DMC1: variants seen among roughly 807,000 people sequenced by gnomAD.
The protein encoded by DMC1 is meiotic recombination protein DMC1 homolog.
Under a neutral mutation model 50.1 loss-of-function variants are expected in DMC1, and 27 were observed. The ratio of observed to expected loss-of-function variants is 0.54; its 90% CI spans 0.40 to 0.74. The LOEUF is 0.74. DMC1 is among the 30% of genes least tolerant of loss of function. DMC1 has a pLI of 0.00. For synonymous variants in DMC1, 148 were observed against 136.1 expected, an observed-to-expected ratio of 1.09 and a Z score of -0.61; for missense variants, 295 against 420.2, an observed-to-expected ratio of 0.70 and a Z score of 2.60.
Position 38,555,420 on chromosome 22 carries a change from A to G in DMC1, c.327-11T>C. On this transcript the variant is annotated splice_polypyrimidine_tract_variant and intron_variant, in intron 5 of 13. Transcript: ENST00000216024. The stretch of plus-strand genomic sequence containing the variant: ...CCTCCTAGTAACTTACTGGAAATAG[A>G]AAGAAAGCATTAGTAACAGGAATAG... 6.4e-7 allele frequency: 1 copy of G among 1,571,570 alleles called. No homozygotes were observed. The highest frequency in any genetic ancestry group is 2.2e-5 in the East Asian group (1 of 44,456).
At chr22:38,539,721 C>T (rs996613303) in intron 8 of DMC1, among the ~76,000 whole-genome samples, 4 of 152,052 alleles carry the variant, frequency 2.6e-5, no homozygotes, top group Non-Finnish European at 5.9e-5. Flanking sequence ...CATTTTACAA[C>T]GTAAGACACT....
intron 13 of DMC1, 63 bp from the exon 14 acceptor site, chr22:38,520,152 T>C: frequency 7.4e-7 from 1 of 1,349,918 alleles, no homozygotes. Flanking sequence ...ACTATATTCA[T>C]GTCACAGGCA....
chr22:38,563,711 T>A (rs1304810302), intron 4 of DMC1, among the ~76,000 whole-genome samples: 1 of 151,648 alleles, frequency 6.6e-6, no homozygotes, highest in Non-Finnish European at 1.5e-5. Flanking sequence ...AATTTTTTTT[T>A]TTTTTTGAGA....
chr22:38,537,638 C>T lies in DMC1; in HGVS notation c.790G>A (p.Val264Ile), dbSNP rs1177670878. The change falls in exon 12 of 14, where the codon GTT becomes ATT. Residue 264 changes from valine (V) to isoleucine (I), a missense_variant. By Grantham distance (29) the Val-to-Ile change is conservative (BLOSUM62 3). Transcript: ENST00000216024. Reference sequence around the variant, plus strand: ...GCAGTCATTTGATTGGTCACAAAAACAGCCACGTTATATTCTGCATCAAGA... The same window carrying T: ...GCAGTCATTTGATTGGTCACAAAAATAGCCACGTTATATTCTGCATCAAGA... ...QKISEEYNVA[V>I]FVTNQMTADP... 1.2e-6 allele frequency: 2 copies of T among 1,613,872 alleles called. No homozygotes were observed. The highest frequency in any genetic ancestry group is 1.3e-5 in the African/African-American group (1 of 75,000).
chr22:38,537,116 T>A (rs1217510265), intron 12 of DMC1, among the ~76,000 whole-genome samples: 1 of 152,202 alleles, frequency 6.6e-6, no homozygotes, highest in African/African-American at 2.4e-5. Context: ...CCTCCCAAAG[T>A]GTTGGGATTA....
chr22:38,534,937 T>C (rs1229749964), intron 12 of DMC1, among the ~76,000 whole-genome samples: 11 of 137,496 alleles, frequency 8.0e-5, no homozygotes, highest in South Asian at 2.4e-4. Context: ...ACCCAGGAGG[T>C]GGAGGTTGCA....
intron 8 of DMC1, among the ~76,000 whole-genome samples, chr22:38,541,711 C>T (rs1020687460): frequency 6.6e-6 from 1 of 152,138 alleles, no homozygotes; most frequent in Non-Finnish European, 1.5e-5. Context: ...CCCTCCTTTC[C>T]CAGTTCATTT....
At chr22:38,520,890 T>C (rs2090017029) in intron 13 of DMC1, among the ~76,000 whole-genome samples, 1 of 151,844 alleles carries the variant, frequency 6.6e-6, no homozygotes, top group Non-Finnish European at 1.5e-5. Flanking sequence ...TTGTTTTTTT[T>C]TTTTGAGACG....
At chr22:38,557,272 C>T (rs934267685) in intron 5 of DMC1, among the ~76,000 whole-genome samples, 9 of 151,862 alleles carry the variant, frequency 5.9e-5, no homozygotes, top group Admixed American at 5.9e-4. Context: ...TGAGGATACC[C>T]CAAATTATTT....
Position 38,563,622 on chromosome 22 carries a change from G to C in DMC1, c.244-1253C>G, listed in dbSNP as rs539372585. ...TAATCCCAGCACTTTGAGAGGCTGA[G>C]GCGGGAGGACTGCTTGATGCCAGCA... On this transcript the variant is annotated intron_variant, in intron 4 of 13. Transcript: ENST00000216024. Among the ~76,000 whole-genome samples the C allele has an allele frequency of 1.3e-3, 199 of 152,230 alleles. 2 individuals carry two copies. The highest frequency in any genetic ancestry group is 4.1e-3 in the African/African-American group (172 of 41,542).
chr22:38,520,059 G>A lies in DMC1; in HGVS notation c.984C>T (p.Phe328=), dbSNP rs2090007434. ...SPEMPENEAT[F]AITAGGIGDA... is the part of the protein sequence containing the mutation. ...CCCCAATTCCTCCAGCAGTTATTGC[G>A]AAGGTGGCTTCATTTTCAGGCATCT... Residue 328 remains phenylalanine, a synonymous_variant, in exon 14 of 14, where the codon TTC becomes TTT. Transcript: ENST00000216024. 9.3e-6 allele frequency: 15 copies of A among 1,613,396 alleles called. No homozygotes were observed. Among genetic ancestry groups the A allele is most frequent in the Admixed American group, 1.7e-5 (1 of 59,972 alleles).
chr22:38,557,721 T>C (rs909274981), intron 5 of DMC1, among the ~76,000 whole-genome samples: 13 of 152,168 alleles, frequency 8.5e-5, no homozygotes, highest in Non-Finnish European at 2.9e-5. Flanking sequence ...GCATATTTGC[T>C]ATTTGAGACC....
chr22:38,535,774 GT>G (rs1405548758), intron 12 of DMC1, among the ~76,000 whole-genome samples: 1 of 151,402 alleles, frequency 6.6e-6, no homozygotes, highest in Non-Finnish European at 1.5e-5. Context: ...TGCCTGGCTA[GT>G]TTTTTTATTT....
At chr22:38,518,535 T>C (rs2089991949), downstream of DMC1, among the ~76,000 whole-genome samples, 1 of 151,928 alleles carries the variant, frequency 6.6e-6, no homozygotes, top group Non-Finnish European at 1.5e-5. Flanking sequence ...TTCTCTTTCC[T>C]TCTTTTTTTT....
intron 12 of DMC1, among the ~76,000 whole-genome samples, chr22:38,536,363 C>G (rs1347614445): frequency 3.3e-5 from 5 of 152,152 alleles, no homozygotes; most frequent in Non-Finnish European, 1.5e-5. Context: ...TATTCAGACA[C>G]ATAATGCTCA....
intron 4 of DMC1, among the ~76,000 whole-genome samples, chr22:38,565,999 G>A (rs1052350125): frequency 1.3e-5 from 2 of 152,142 alleles, no homozygotes; most frequent in Non-Finnish European, 2.9e-5. Context: ...AATGAAGGCC[G>A]AGCATGGTGG....
chr22:38,550,930 C>CAAAAAAAAAAAAAAAAA (rs60295497), intron 7 of DMC1, among the ~76,000 whole-genome samples: 1 of 57,774 alleles, frequency 1.7e-5, no homozygotes, highest in Non-Finnish European at 3.1e-5. Flanking sequence ...GACTCCATCT[C>CAAAAAAAAAAAAAAAAA]AAAAAAAAAA....
At chr22:38,518,660 A>G (rs1466806731), downstream of DMC1, among the ~76,000 whole-genome samples, 2 of 151,984 alleles carry the variant, frequency 1.3e-5, no homozygotes, top group East Asian at 3.9e-4. Flanking sequence ...CTTCCTGAGT[A>G]GCTGGGACCT....
chr22:38,558,504 C>G (rs750077710), intron 5 of DMC1, among the ~76,000 whole-genome samples: 6 of 151,876 alleles, frequency 4.0e-5, no homozygotes, highest in Non-Finnish European at 7.4e-5. Flanking sequence ...CATCTGAGGT[C>G]AGGAGTTCGA....
Sources: gnomAD v4.1 joint callset for allele counts (sites outside exome capture counted in the v4.1 genomes callset) on GRCh38, gnomAD v4.1.1 for gene constraint, MANE v1.5 for transcripts, NCBI Gene and HGNC (gene_info 2026-07-23, HGNC 2026-07-21) for gene names.